CTNNA3: variants seen among roughly 807,000 people sequenced by gnomAD.
CTNNA3 encodes the protein catenin alpha 3.
Under a neutral mutation model 95.7 loss-of-function variants are expected in CTNNA3, and 76 were observed. The ratio of observed to expected loss-of-function variants is 0.79; its 90% CI spans 0.66 to 0.96. CTNNA3 has a LOEUF of 0.96. CTNNA3 is among the 40% of genes least tolerant of loss of function. The pLI, the probability that CTNNA3 is intolerant of heterozygous loss-of-function variation, is 0.00. For missense variants in CTNNA3, 1,191 were observed against 1,089.8 expected, an observed-to-expected ratio of 1.09 and a Z score of -1.31; for synonymous variants, 431 against 374.4, an observed-to-expected ratio of 1.15 and a Z score of -1.74.
chr10:67,015,787 G>A (rs1291770881), intron 7 of CTNNA3, among the ~76,000 whole-genome samples: 3 of 151,674 alleles, frequency 2.0e-5, no homozygotes, highest in Admixed American at 2.0e-4. Context: ...CGTACATGTT[G>A]TCTCTCTTTT....
chr10:66,476,699 A>G lies in CTNNA3; in HGVS notation c.1531+43918T>C, dbSNP rs143250514. Among the ~76,000 whole-genome samples the G allele has an allele frequency of 3.2e-3, 485 of 152,166 alleles. 1 individual carries two copies. The highest frequency in any genetic ancestry group is 0.011 in the African/African-American group (463 of 41,534). On this transcript the variant is annotated intron_variant, in intron 11 of 17. Coordinates refer to ENST00000433211, the MANE Select transcript of CTNNA3 (RefSeq NM_013266.4). ...TTTATAATTCACAATGTTATATAAAACCTCTCTACCAAGTTCTGTCATAAA... is the reference window on the plus strand; with the variant it reads ...TTTATAATTCACAATGTTATATAAAGCCTCTCTACCAAGTTCTGTCATAAA...
chr10:65,930,814 C>G (rs1288481609), intron 17 of CTNNA3, among the ~76,000 whole-genome samples: 1 of 152,088 alleles, frequency 6.6e-6, no homozygotes, highest in East Asian at 1.9e-4. Context: ...TATTCTTGAT[C>G]CTTAAGATGC....
chr10:66,951,848 C>A (rs573460025), intron 7 of CTNNA3, among the ~76,000 whole-genome samples: 3 of 152,122 alleles, frequency 2.0e-5, no homozygotes, highest in African/African-American at 7.2e-5. Context: ...TCTCACCTGG[C>A]CTGATTAAGT....
At chr10:66,549,080 C>T (rs1050330979) in intron 10 of CTNNA3, among the ~76,000 whole-genome samples, 3 of 145,666 alleles carry the variant, frequency 2.1e-5, no homozygotes, top group Non-Finnish European at 3.0e-5. Context: ...GCTCCGGTTC[C>T]CGGGTTGACG....
At chr10:66,944,701 A>G (rs1802555658) in intron 7 of CTNNA3, among the ~76,000 whole-genome samples, 1 of 152,198 alleles carries the variant, frequency 6.6e-6, no homozygotes, top group African/African-American at 2.4e-5. Context: ...CCAAGACAGC[A>G]AGAGACTTAT....
intron 9 of CTNNA3, among the ~76,000 whole-genome samples, chr10:66,689,815 G>T (rs1847449015): frequency 6.6e-6 from 1 of 152,142 alleles, no homozygotes; most frequent in African/African-American, 2.4e-5. Context: ...AGACTACAAG[G>T]GAGAGAGGGG....
intron 1 of CTNNA3, among the ~76,000 whole-genome samples, chr10:67,721,093 C>T (rs2133619393): frequency 6.6e-6 from 1 of 152,288 alleles, no homozygotes; most frequent in South Asian, 2.1e-4. Flanking sequence ...TCTTTTCTTT[C>T]ATTTCAACCT....
chr10:66,203,904 C>T (rs1468063130), intron 13 of CTNNA3, among the ~76,000 whole-genome samples: 3 of 151,948 alleles, frequency 2.0e-5, no homozygotes, highest in Non-Finnish European at 4.4e-5. Flanking sequence ...CCTTTACACA[C>T]CCCCATGAAG....
At chr10:66,508,392 A>C (rs879856350) in intron 11 of CTNNA3, among the ~76,000 whole-genome samples, 22 of 151,934 alleles carry the variant, frequency 1.4e-4, no homozygotes, top group Admixed American at 3.3e-4. Context: ...TATTTTAAAT[A>C]GTTTGCTGAA....
At chr10:65,962,575 A>G (rs1463662541) in intron 17 of CTNNA3, among the ~76,000 whole-genome samples, 1 of 151,212 alleles carries the variant, frequency 6.6e-6, no homozygotes, top group Admixed American at 6.6e-5. Flanking sequence ...TTTTTATTAT[A>G]CTTTAAGTTC....
chr10:67,194,101 G>A (rs1206919941), intron 6 of CTNNA3, among the ~76,000 whole-genome samples: 4 of 151,916 alleles, frequency 2.6e-5, no homozygotes, highest in African/African-American at 9.7e-5. Context: ...TTGGCTACAT[G>A]TATGCCTTCT....
At chr10:67,069,309 C>A (rs981200318) in intron 7 of CTNNA3, among the ~76,000 whole-genome samples, 3 of 152,004 alleles carry the variant, frequency 2.0e-5, no homozygotes, top group South Asian at 4.2e-4. Context: ...TTCTTTTACC[C>A]CAATGCAGAA....
chr10:67,386,084 T>G (rs895158715), intron 5 of CTNNA3, among the ~76,000 whole-genome samples: 5 of 152,212 alleles, frequency 3.3e-5, no homozygotes, highest in African/African-American at 1.2e-4. Flanking sequence ...GAAACTATAA[T>G]GTACAATATA....
chr10:66,200,124 C>A (rs1208490278), intron 13 of CTNNA3, among the ~76,000 whole-genome samples: 6 of 150,588 alleles, frequency 4.0e-5, no homozygotes, highest in African/African-American at 7.3e-5. Context: ...CGCACACATA[C>A]ACACACACAC....
At chr10:67,503,294 G>A (rs980989443) in intron 5 of CTNNA3, among the ~76,000 whole-genome samples, 2 of 152,138 alleles carry the variant, frequency 1.3e-5, no homozygotes, top group East Asian at 1.9e-4. Flanking sequence ...TCTGTGGGCT[G>A]CACTCACTGT....
At chr10:66,353,892 TA>T (rs5785756) in intron 12 of CTNNA3, among the ~76,000 whole-genome samples, 83,864 of 148,086 alleles carry the variant, frequency 0.57, 24,325 homozygotes, top group Non-Finnish European at 0.64. Flanking sequence ...GGGGAAAGAG[TA>T]AAAAAAAAAA....
chr10:66,918,363 T>C (rs373801059), intron 7 of CTNNA3, among the ~76,000 whole-genome samples: 2 of 152,198 alleles, frequency 1.3e-5, no homozygotes, highest in African/African-American at 4.8e-5. Flanking sequence ...TACCACAAAG[T>C]AGAAGTACAA....
In CTNNA3 at chr10:66,647,873, C is replaced by A. The variant is rs147760561; in HGVS notation, c.1282-26089G>T. ...AAGAAGAAGAAAAGAGAAGCATATG[C>A]TATCAAAAAAGAAATTCAGTGCTGG... On this transcript the variant is annotated intron_variant, in intron 9 of 17. Transcript: ENST00000433211. 6.8e-4 allele frequency among the ~76,000 whole-genome samples: 103 copies of A among 152,060 alleles called. 1 individual carries two copies. Among genetic ancestry groups the A allele is most frequent in the African/African-American group, 2.3e-3 (97 of 41,484 alleles).
At chr10:66,685,624 G>A (rs1358884228) in intron 9 of CTNNA3, among the ~76,000 whole-genome samples, 2 of 150,844 alleles carry the variant, frequency 1.3e-5, no homozygotes, top group African/African-American at 4.9e-5. Context: ...CGCCCACCTC[G>A]GCCTCCCAAA....
Sources: allele counts gnomAD v4.1 joint callset (sites outside exome capture counted in the v4.1 genomes callset), GRCh38; gene constraint gnomAD v4.1.1; transcripts MANE v1.5; gene names NCBI Gene and HGNC (gene_info 2026-07-23, HGNC 2026-07-21).